The following SCRG1 variants were observed in gnomAD, a reference collection of about 807,000 sequenced individuals.
SCRG1 encodes the protein stimulator of chondrogenesis 1, also known as scrapie-responsive protein 1.
SCRG1 carries 3 observed loss-of-function variants against 7.7 expected under a neutral mutation model. The ratio of observed to expected loss-of-function variants is 0.39; its 90% confidence interval spans 0.18 to 1.01. SCRG1 has a LOEUF of 1.01. Ranked by LOEUF, SCRG1 falls within the 50% of genes least tolerant of loss-of-function variation. SCRG1 has a pLI of 0.36. For synonymous variants in SCRG1, 46 were observed against 41.2 expected (o/e 1.12, Z -0.44); for missense variants, 110 against 117.2 (o/e 0.94, Z 0.28).
At chr4:173,437,136 C>T in the SCRG1 span, among the ~76,000 whole-genome samples, 1 of 152,202 alleles carries the variant, frequency 6.6e-6, no homozygotes, top group South Asian at 2.1e-4. Context: ...CTATTATACG[C>T]TCTCTGCTGA....
At chr4:173,409,832 G>A (rs146577606), upstream of SCRG1, among the ~76,000 whole-genome samples, 661 of 152,070 alleles carry the variant, frequency 4.3e-3, 36 homozygotes, top group East Asian at 0.11. Flanking sequence ...CAAGTGATCC[G>A]TCCGCCTCGG....
the SCRG1 span, among the ~76,000 whole-genome samples, chr4:173,464,639 G>C: frequency 6.6e-6 from 1 of 152,188 alleles, no homozygotes. Flanking sequence ...TGCTTTGCTG[G>C]TGGGCCTGTA....
chr4:173,443,819 C>G, the SCRG1 span, among the ~76,000 whole-genome samples: 1 of 152,144 alleles, frequency 6.6e-6, no homozygotes, highest in Non-Finnish European at 1.5e-5. Flanking sequence ...GCTTGCGTCA[C>G]TATACTTGGA....
At chr4:173,443,985 G>A in the SCRG1 span, among the ~76,000 whole-genome samples, 3 of 133,498 alleles carry the variant, frequency 2.2e-5, no homozygotes, top group African/African-American at 7.8e-5. Context: ...GTGTGTGTGT[G>A]TGTTTGAGAT....
rs1227118124 is a variant in SCRG1 at position 173,391,211 on chromosome 4, G to C, written c.204C>G (p.Ile68Met). ...HFWDGKGCEM[I>M]CYCNFSELLC... ...GCAATTCGCTGAAGTTGCAGTAACA[G>C]ATCATCTCACATCCCTTCCCATCCC... Residue 68 changes from isoleucine (I) to methionine (M), a missense_variant, in exon 2 of 3, where the codon ATC (isoleucine) becomes ATG (methionine). Transcript: ENST00000296506. 1.9e-6 allele frequency: 3 copies of C among 1,614,068 alleles called. No individual in the cohort carries two copies. The highest frequency in any genetic ancestry group is 2.5e-6 in the Non-Finnish European group (3 of 1,180,032).
At chr4:173,399,846 T>A (rs1465496226), upstream of SCRG1, among the ~76,000 whole-genome samples, 2 of 152,228 alleles carry the variant, frequency 1.3e-5, no homozygotes, top group Non-Finnish European at 2.9e-5. Context: ...AGAGATATTA[T>A]ATTGTAATGG....
chr4:173,486,978 A>T, the SCRG1 span, among the ~76,000 whole-genome samples: 18 of 152,156 alleles, frequency 1.2e-4, no homozygotes, highest in Admixed American at 2.6e-4. Context: ...CCCTTCTGAA[A>T]GATGAAATTA....
chr4:173,441,533 GACT>G, the SCRG1 span, among the ~76,000 whole-genome samples: 1 of 152,152 alleles, frequency 6.6e-6, no homozygotes, highest in Non-Finnish European at 1.5e-5. Context: ...TTGGGTCTGG[GACT>G]ACTTTTGCTC....
the SCRG1 span, among the ~76,000 whole-genome samples, chr4:173,448,674 C>A: frequency 3.9e-5 from 6 of 152,062 alleles, no homozygotes; most frequent in Non-Finnish European, 1.5e-5. Flanking sequence ...TCATCCATGT[C>A]CTTACACACA....
chr4:173,503,433 T>G, the SCRG1 span, among the ~76,000 whole-genome samples: 1 of 152,126 alleles, frequency 6.6e-6, no homozygotes, highest in Non-Finnish European at 1.5e-5. The surrounding 1 kb of genome is among the most constrained non-coding windows in gnomAD (Gnocchi z 6.4). Flanking sequence ...AACTCACTTG[T>G]AAGACCAGAG....
At chr4:173,494,778 T>C in the SCRG1 span, among the ~76,000 whole-genome samples, 20 of 152,266 alleles carry the variant, frequency 1.3e-4, no homozygotes, top group Admixed American at 1.0e-3. Flanking sequence ...CGTCTCTTGG[T>C]ACTGGTGTTA....
the SCRG1 span, among the ~76,000 whole-genome samples, chr4:173,458,380 T>TA: frequency 5.7e-4 from 86 of 151,380 alleles, no homozygotes; most frequent in Admixed American, 2.0e-3. Flanking sequence ...CAAAAATAAT[T>TA]AAAAAAAAAC....
the SCRG1 span, among the ~76,000 whole-genome samples, chr4:173,517,260 G>T: frequency 2.0e-5 from 3 of 152,214 alleles, no homozygotes; most frequent in South Asian, 6.2e-4. Flanking sequence ...CATCGGAGGG[G>T]GGCCAGGCCC....
At chr4:173,446,219 A>C in the SCRG1 span, among the ~76,000 whole-genome samples, 1 of 152,064 alleles carries the variant, frequency 6.6e-6, no homozygotes, top group Non-Finnish European at 1.5e-5. Flanking sequence ...TAAGTTTCAG[A>C]GGGTCTATAA....
At chr4:173,507,049 G>A in the SCRG1 span, among the ~76,000 whole-genome samples, 1 of 152,224 alleles carries the variant, frequency 6.6e-6, no homozygotes, top group Non-Finnish European at 1.5e-5. This position sits in a 1 kb window ranked among gnomAD's most constrained non-coding sequence, Gnocchi z 4.4. Flanking sequence ...GCGGCCAGAG[G>A]AGGGGTGGGG....
chr4:173,497,960 G>A, the SCRG1 span, among the ~76,000 whole-genome samples: 4 of 152,144 alleles, frequency 2.6e-5, no homozygotes, highest in African/African-American at 4.8e-5. Flanking sequence ...GATTACAGGC[G>A]TGAACCACTG....
the SCRG1 span, among the ~76,000 whole-genome samples, chr4:173,493,486 C>A: frequency 6.6e-6 from 1 of 151,932 alleles, no homozygotes; most frequent in Non-Finnish European, 1.5e-5. Context: ...GGTGTGGTGG[C>A]GCGTGCTTGT....
At chr4:173,425,723 C>T in the SCRG1 span, among the ~76,000 whole-genome samples, 2 of 152,234 alleles carry the variant, frequency 1.3e-5, no homozygotes, top group Non-Finnish European at 2.9e-5. Flanking sequence ...AGGAGCCTTG[C>T]CAGTGCCAAT....
chr4:173,402,289 T>C (rs1473716274), upstream of SCRG1, among the ~76,000 whole-genome samples: 2 of 152,178 alleles, frequency 1.3e-5, no homozygotes, highest in African/African-American at 4.8e-5. Flanking sequence ...TATAGGTATA[T>C]GTTATCACTC....
Sources: allele counts gnomAD v4.1 joint callset (sites outside exome capture counted in the v4.1 genomes callset), GRCh38; gene constraint gnomAD v4.1.1; non-coding constraint Gnocchi (gnomAD v3.1); transcripts MANE v1.5; gene names NCBI Gene and HGNC (gene_info 2026-07-23, HGNC 2026-07-21).